The following ESRRB variants were observed in gnomAD, a reference collection of about 807,000 sequenced individuals.
ESRRB encodes steroid hormone receptor ERR2.
ESRRB carries 16 observed loss-of-function variants against 46.0 expected under a neutral mutation model. The ratio of observed to expected loss-of-function variants is 0.35; its 90% CI spans 0.24 to 0.53. ESRRB has a LOEUF of 0.53. Ranked by LOEUF, ESRRB falls within the 20% of genes least tolerant of loss-of-function variation. The pLI is 0.93. For synonymous variants in ESRRB, 246 were observed against 259.6 expected, an observed-to-expected ratio of 0.95 and a Z score of 0.50; for missense variants, 488 against 607.4, an observed-to-expected ratio of 0.80 and a Z score of 2.07.
intron 2 of ESRRB, among the ~76,000 whole-genome samples, chr14:76,457,826 C>T (rs1888676401): frequency 6.6e-6 from 1 of 152,112 alleles, no homozygotes. Flanking sequence ...ATGCCCACCA[C>T]CATGCCTGGC....
chr14:76,415,970 C>G (rs754711789), intron 1 of ESRRB, among the ~76,000 whole-genome samples: 8 of 152,178 alleles, frequency 5.3e-5, no homozygotes, highest in Non-Finnish European at 1.0e-4. Flanking sequence ...GATGTCAAAC[C>G]TTATCCTCTT....
intron 1 of ESRRB, among the ~76,000 whole-genome samples, chr14:76,420,049 T>C (rs1275922239): frequency 1.3e-5 from 2 of 152,198 alleles, no homozygotes; most frequent in Non-Finnish European, 2.9e-5. Context: ...TCTCAGGCCA[T>C]TGCATTACAG....
Position 76,482,547 on chromosome 14 carries a change from GC to G in ESRRB, c.689-47del. 6.2e-7 allele frequency: 1 copy of G among 1,608,506 alleles called. No homozygotes were observed. On this transcript the variant is annotated intron_variant, in intron 4 of 6. Coordinates refer to ENST00000644823, the MANE Select transcript of ESRRB (RefSeq NM_001379180.1). This position sits in a 1 kb window ranked among gnomAD's most constrained non-coding sequence, Gnocchi z 4.3. Reference sequence around the variant, plus strand: ...CTGACCCATCTGAGCCTCCACCCCGGCCCCTTTCCTCTTTTCCCAGCATTTA... The same window carrying G: ...CTGACCCATCTGAGCCTCCACCCCGGCCCTTTCCTCTTTTCCCAGCATTTA...
intron 1 of ESRRB, among the ~76,000 whole-genome samples, chr14:76,324,967 T>TC (rs1883911475): frequency 9.6e-6 from 1 of 103,856 alleles, no homozygotes. Context: ...CTTTTTCTTT[T>TC]TTTTTTTTTT....
chr14:76,468,221 G>C (rs1307000526), intron 3 of ESRRB, among the ~76,000 whole-genome samples: 3 of 152,116 alleles, frequency 2.0e-5, no homozygotes, highest in Non-Finnish European at 4.4e-5. Context: ...AATGAAGAAA[G>C]AGCAAGAGAG....
intron 2 of ESRRB, among the ~76,000 whole-genome samples, chr14:76,444,943 C>A (rs1888069342): frequency 6.7e-6 from 1 of 149,954 alleles, no homozygotes; most frequent in African/African-American, 2.5e-5. Flanking sequence ...CAGGAGGATC[C>A]CTTGAAGCCA....
At chr14:76,481,401 T>G (rs1889799501) in intron 3 of ESRRB, among the ~76,000 whole-genome samples, 1 of 152,182 alleles carries the variant, frequency 6.6e-6, no homozygotes, top group African/African-American at 2.4e-5. Context: ...CACAGCTGCT[T>G]TTGAACCTAC....
intron 1 of ESRRB, among the ~76,000 whole-genome samples, chr14:76,421,862 G>A (rs867615434): frequency 2.0e-5 from 3 of 152,218 alleles, no homozygotes; most frequent in Admixed American, 6.5e-5. Context: ...GTGGTTGGGC[G>A]CTGGTAGGGG....
At chr14:76,408,868 G>C (rs957687005) in intron 1 of ESRRB, among the ~76,000 whole-genome samples, 1 of 152,114 alleles carries the variant, frequency 6.6e-6, no homozygotes, top group African/African-American at 2.4e-5. Context: ...TCCATTGAGC[G>C]CTTCATTTCA....
At chr14:76,330,944 C>T (rs982785577) in intron 1 of ESRRB, among the ~76,000 whole-genome samples, 4 of 152,238 alleles carry the variant, frequency 2.6e-5, no homozygotes, top group South Asian at 4.2e-4. Context: ...GCAGTAGCAA[C>T]CCCTGCTAGA....
At chr14:76,431,148 A>G (rs1887425389) in intron 1 of ESRRB, among the ~76,000 whole-genome samples, 1 of 152,202 alleles carries the variant, frequency 6.6e-6, no homozygotes, top group Admixed American at 6.5e-5. Flanking sequence ...TACAAAAATT[A>G]GCCAGGCATG....
At chr14:76,414,668 T>TAAAAAAAAAAA (rs71452810) in intron 1 of ESRRB, among the ~76,000 whole-genome samples, 83 of 116,822 alleles carry the variant, frequency 7.1e-4, no homozygotes, top group African/African-American at 1.7e-3. Context: ...GTTTGTTCCT[T>TAAAAAAAAAAA]AAAAAAAAAA....
chr14:76,380,813 G>C (rs1045868192), intron 1 of ESRRB, among the ~76,000 whole-genome samples: 7 of 152,204 alleles, frequency 4.6e-5, no homozygotes, highest in African/African-American at 1.7e-4. Flanking sequence ...AGCCCCTAGA[G>C]GTGCTGCCAG....
chr14:76,407,604 G>A (rs1428619010), intron 1 of ESRRB: 1 of 985,742 alleles, frequency 1.0e-6, no homozygotes, highest in African/African-American at 1.7e-5. Context: ...AGGGTAAGTT[G>A]GGTCCAGTCG....
At chr14:76,350,328 G>A (rs1884298819) in intron 1 of ESRRB, among the ~76,000 whole-genome samples, 2 of 152,206 alleles carry the variant, frequency 1.3e-5, no homozygotes, top group Non-Finnish European at 2.9e-5. Flanking sequence ...ACACTGTGCT[G>A]GACACAGAAC....
intron 1 of ESRRB, among the ~76,000 whole-genome samples, chr14:76,438,626 TGCACTCCA>T (rs1887772726): frequency 6.6e-6 from 1 of 150,658 alleles, no homozygotes; most frequent in Non-Finnish European, 1.5e-5. Context: ...ATTGGGCCAT[TGCACTCCA>T]GCCTAGGCGA....
intron 1 of ESRRB, among the ~76,000 whole-genome samples, chr14:76,404,001 G>T (rs182825224): frequency 6.6e-6 from 1 of 152,160 alleles, no homozygotes; most frequent in Non-Finnish European, 1.5e-5. Context: ...TTACAGGCGT[G>T]AGCCACCATG....
At chr14:76,443,333 A>G (rs1431330475) in intron 2 of ESRRB, among the ~76,000 whole-genome samples, 2 of 152,102 alleles carry the variant, frequency 1.3e-5, no homozygotes, top group Non-Finnish European at 2.9e-5. Context: ...ATAAAAATGA[A>G]TGCACCCTGG....
intron 3 of ESRRB, among the ~76,000 whole-genome samples, 161 bp from the exon 4 acceptor site, chr14:76,481,855 T>C (rs1889816855): frequency 6.6e-6 from 1 of 152,180 alleles, no homozygotes; most frequent in Non-Finnish European, 1.5e-5. Context: ...TATTTTAGGA[T>C]TGTCCAGCCA....
Sources: gnomAD v4.1 joint callset for allele counts (sites outside exome capture counted in the v4.1 genomes callset) on GRCh38, gnomAD v4.1.1 for gene constraint, Gnocchi (gnomAD v3.1) non-coding constraint, MANE v1.5 for transcripts, NCBI Gene and HGNC (gene_info 2026-07-23, HGNC 2026-07-21) for gene names.